Variants in CAMTA1 observed in about 807,000 individuals in gnomAD.
CAMTA1 encodes the protein calmodulin-binding transcription activator 1.
CAMTA1 carries 27 observed loss-of-function variants against 170.9 expected under a neutral mutation model. The observed-to-expected ratio is 0.16, with a 90% CI of 0.12 to 0.22. CAMTA1 has a LOEUF of 0.22. Among genes scored for constraint, CAMTA1 ranks in the 10% least tolerant of loss-of-function variants. The pLI, the probability that CAMTA1 is intolerant of heterozygous loss-of-function variation, is 1.00. For missense variants in CAMTA1, 1,619 were observed against 2,217.2 expected (o/e 0.73, Z 5.42); for synonymous variants, 833 against 891.5 (o/e 0.93, Z 1.17).
intron 3 of CAMTA1, among the ~76,000 whole-genome samples, chr1:6,984,110 G>T (rs1478404323): frequency 2.4e-3 from 1 of 422 alleles, no homozygotes; most frequent in African/African-American, 6.8e-3. Flanking sequence ...GAATAGATGG[G>T]TTGGTAGATG....
intron 5 of CAMTA1, among the ~76,000 whole-genome samples, chr1:7,372,356 T>G (rs184260629): frequency 2.2e-3 from 342 of 152,316 alleles, no homozygotes; most frequent in African/African-American, 7.8e-3. Flanking sequence ...GAGATTTTTG[T>G]GAGTATCCTT....
At chr1:7,097,591 T>C (rs1642227445) in intron 4 of CAMTA1, among the ~76,000 whole-genome samples, 1 of 152,246 alleles carries the variant, frequency 6.6e-6, no homozygotes, top group Non-Finnish European at 1.5e-5. Context: ...CAGAGGACTT[T>C]TCTAAGGAAG....
chr1:7,480,233 G>C (rs1008670351), intron 6 of CAMTA1, among the ~76,000 whole-genome samples: 1 of 132,862 alleles, frequency 7.5e-6, no homozygotes, highest in African/African-American at 3.1e-5. Flanking sequence ...GTGTGTGAGT[G>C]CATGTGTCCG....
At chr1:7,036,290 C>G (rs901193214) in intron 3 of CAMTA1, among the ~76,000 whole-genome samples, 8 of 152,152 alleles carry the variant, frequency 5.3e-5, no homozygotes, top group Non-Finnish European at 7.3e-5. Flanking sequence ...TAATCATCAT[C>G]ATCATCACTG....
At chr1:7,062,156 G>A (rs968648511) in intron 3 of CAMTA1, among the ~76,000 whole-genome samples, 1 of 152,052 alleles carries the variant, frequency 6.6e-6, no homozygotes, top group Non-Finnish European at 1.5e-5. Flanking sequence ...GACCTCAGGC[G>A]ATCCACCCGC....
rs540846779 is a variant in CAMTA1, at chr1:6,869,114, A to G, written c.234+43904A>G. Reference sequence around the variant, plus strand: ...CCCCTCAGGCTCAGTCTGTTCATGCACTGGTGTGTATTAATTCAGTCCATT... The same window carrying G: ...CCCCTCAGGCTCAGTCTGTTCATGCGCTGGTGTGTATTAATTCAGTCCATT... On this transcript the variant is annotated intron_variant, in intron 3 of 22. Coordinates refer to ENST00000303635, the MANE Select transcript of CAMTA1 (RefSeq NM_015215.4). 1.6e-4 allele frequency among the ~76,000 whole-genome samples: 24 copies of G among 152,292 alleles called. No homozygotes were observed. The South Asian group carries it at 4.8e-3, about 30-fold the overall frequency.
Position 7,044,615 on chromosome 1 carries a change from G to A in CAMTA1, c.235-46689G>A, listed in dbSNP as rs1451241187. ...CTGTGGTGGCGCTGAAACAGGAGACGTCCTCTCCGACCTTGGAGACCTGGC... is the reference window on the plus strand; with the variant it reads ...CTGTGGTGGCGCTGAAACAGGAGACATCCTCTCCGACCTTGGAGACCTGGC... On this transcript the variant is annotated intron_variant, in intron 3 of 22. Coordinates refer to ENST00000303635, the MANE Select transcript of CAMTA1 (RefSeq NM_015215.4). The surrounding 1 kb of genome is among the most constrained non-coding windows in gnomAD (Gnocchi z 5.0). Among the ~76,000 whole-genome samples, 2 of 152,158 alleles carry A rather than the reference G, an allele frequency of 1.3e-5. No individual in the cohort carries two copies. The highest frequency in any genetic ancestry group is 4.8e-5 in the African/African-American group (2 of 41,440).
rs543376306 is a variant in CAMTA1 at position 7,747,926 on chromosome 1, T to A, written c.4689+145T>A. ...TGGTTGTTTTTTTTTTTTTATTTTTTTTTTGAAACGGAGTCTGGCTGTGTC... is the reference window on the plus strand; with the variant it reads ...TGGTTGTTTTTTTTTTTTTATTTTTATTTTGAAACGGAGTCTGGCTGTGTC... On this transcript the variant is annotated intron_variant, in intron 19 of 22. Transcript: ENST00000303635. 3.6e-5 allele frequency: 20 copies of A among 560,590 alleles called. No homozygotes were observed. The Middle Eastern group carries it at 8.2e-4, about 23-fold the overall frequency. The allele number at this position is 560,590 out of a possible 1,614,324, so 34.7% of individuals were successfully genotyped here. A position where few individuals can be genotyped will look rare whatever the true frequency, so the allele number is the denominator to read the frequency against.
intron 3 of CAMTA1, among the ~76,000 whole-genome samples, chr1:6,968,506 C>T (rs1286400087): frequency 2.0e-5 from 3 of 152,166 alleles, no homozygotes; most frequent in African/African-American, 4.8e-5. Context: ...GTGCCTACTG[C>T]GTGCCAGGTG....
intron 5 of CAMTA1, among the ~76,000 whole-genome samples, chr1:7,398,177 CTCTCTCTCTCTCTCT>C (rs1557651083): frequency 4.7e-5 from 2 of 42,150 alleles, no homozygotes; most frequent in African/African-American, 1.9e-4. Flanking sequence ...CTCTCTCTCT[CTCTCTCTCTCTCTCT>C]CTATATATAT....
At chr1:6,979,244 A>C (rs1485479821) in intron 3 of CAMTA1, among the ~76,000 whole-genome samples, 2 of 152,156 alleles carry the variant, frequency 1.3e-5, no homozygotes, top group Non-Finnish European at 2.9e-5. Flanking sequence ...GAACTCTCCC[A>C]GCTCCTGCAC....
At position 7,092,775 on chromosome 1, in the gene CAMTA1, G is replaced by A. The variant is rs1641641345; in HGVS notation, c.302+1404G>A. 6.6e-6 allele frequency among the ~76,000 whole-genome samples: 1 copy of A among 152,242 alleles called. No homozygotes were observed. Among genetic ancestry groups the A allele is most frequent in the African/African-American group, 2.4e-5 (1 of 41,470 alleles). On this transcript the variant is annotated intron_variant, in intron 4 of 22. Coordinates refer to ENST00000303635, the MANE Select transcript of CAMTA1 (RefSeq NM_015215.4). This position sits in a 1 kb window ranked among gnomAD's most constrained non-coding sequence, Gnocchi z 5.0. The stretch of plus-strand genomic sequence containing the variant: ...TGCCTGTGGCTTTGGGTTGAGGTCA[G>A]GTCTGCTGTGTGCATCATTTTGCTG...
intron 3 of CAMTA1, among the ~76,000 whole-genome samples, chr1:6,875,540 C>T (rs1031847582): frequency 6.6e-6 from 1 of 152,162 alleles, no homozygotes; most frequent in African/African-American, 2.4e-5. Flanking sequence ...CCACTTTGGC[C>T]TCCCGATGTG....
chr1:7,217,908 A>G (rs1660044933), intron 4 of CAMTA1, among the ~76,000 whole-genome samples: 1 of 152,192 alleles, frequency 6.6e-6, no homozygotes, highest in Admixed American at 6.5e-5. Flanking sequence ...CCATAATTAA[A>G]TATATTAAAT....
At chr1:7,200,370 G>A (rs1656434772) in intron 4 of CAMTA1, among the ~76,000 whole-genome samples, 1 of 152,168 alleles carries the variant, frequency 6.6e-6, no homozygotes, top group Admixed American at 6.5e-5. Flanking sequence ...ACATCAATGT[G>A]ATACTATTAT....
At chr1:7,011,014 C>T (rs957323762) in intron 3 of CAMTA1, among the ~76,000 whole-genome samples, 1 of 152,172 alleles carries the variant, frequency 6.6e-6, no homozygotes, top group Admixed American at 6.5e-5. Context: ...GTTCCAACCC[C>T]AAACATCCCC....
chr1:7,469,551 C>T (rs2093288849), intron 6 of CAMTA1, among the ~76,000 whole-genome samples: 1 of 152,212 alleles, frequency 6.6e-6, no homozygotes, highest in South Asian at 2.1e-4. Context: ...TGCCCTTTTC[C>T]TTTTCGGTTT....
Position 7,443,121 on chromosome 1 carries a change from G to T in CAMTA1, c.439-24709G>T, listed in dbSNP as rs1021015945. ...CTGTCCCTCCCAGCTCAAGTATACT[G>T]TGTCTCTACCCAAGTCAAAGCCCTG... On this transcript the variant is annotated intron_variant, in intron 5 of 22. Coordinates refer to ENST00000303635, the MANE Select transcript of CAMTA1 (RefSeq NM_015215.4). This position sits in a 1 kb window ranked among gnomAD's most constrained non-coding sequence, Gnocchi z 4.1. Among the ~76,000 whole-genome samples, 2 of 152,184 alleles carry T rather than the reference G, an allele frequency of 1.3e-5. No individual in the cohort carries two copies. Among genetic ancestry groups the T allele is most frequent in the Non-Finnish European group, 2.9e-5 (2 of 68,046 alleles).
intron 5 of CAMTA1, among the ~76,000 whole-genome samples, chr1:7,319,136 T>TA (rs1194632091): frequency 6.6e-6 from 1 of 152,130 alleles, no homozygotes; most frequent in African/African-American, 2.4e-5. Context: ...ATTAATTACT[T>TA]ATGTACATTT....
Sources: allele counts gnomAD v4.1 joint callset (sites outside exome capture counted in the v4.1 genomes callset), GRCh38; gene constraint gnomAD v4.1.1; non-coding constraint Gnocchi (gnomAD v3.1); transcripts MANE v1.5; gene names NCBI Gene and HGNC (gene_info 2026-07-23, HGNC 2026-07-21).